Variants in MAP1A observed in about 807,000 individuals in gnomAD.
The protein encoded by MAP1A is microtubule-associated protein 1A.
In MAP1A, 42 loss-of-function variants were observed where a neutral mutation model predicts 185.9. The observed-to-expected ratio is 0.23, with a 90% CI of 0.18 to 0.29. The LOEUF (loss-of-function observed/expected upper bound fraction) is 0.29, where lower values mean the gene tolerates loss of function less well. Among genes scored for constraint, MAP1A ranks in the 10% least tolerant of loss-of-function variants. The pLI, the probability that MAP1A is intolerant of heterozygous loss-of-function variation, is 1.00. For synonymous variants in MAP1A, 1,229 were observed against 1,335.9 expected, an observed-to-expected ratio of 0.92 and a Z score of 1.74; for missense variants, 2,995 against 3,450.4, an observed-to-expected ratio of 0.87 and a Z score of 3.31.
rs1054171470 is a variant in MAP1A, at chr15:43,520,577, T to G, written c.-374-64T>G. On this transcript the variant is annotated intron_variant, in intron 1 of 5. Transcript: ENST00000300231. ...GCCCCATTTCCTGATAGCACATTCT[T>G]TCCTCTCCTGCACCACAATTTCTAT... The G allele has an allele frequency of 2.3e-5, 25 of 1,090,292 alleles. No homozygotes were observed. The African/African-American group carries it at 3.8e-4, about 16-fold the overall frequency. 67.5% of individuals were successfully genotyped at this position (1,090,292 alleles called of 1,614,324 possible). A position where few individuals can be genotyped will look rare whatever the true frequency, so the allele number is the denominator to read the frequency against.
Position 43,521,420 on chromosome 15 carries a change from A to G in MAP1A, c.-54A>G, listed in dbSNP as rs2079318713. 1 of 1,614,092 alleles carries G rather than the reference A, an allele frequency of 6.2e-7. No individual in the cohort carries two copies. The highest frequency in any genetic ancestry group is 8.5e-7 in the Non-Finnish European group (1 of 1,180,006). ...TGATTGGAGCCACCTGGGATTATCC[A>G]GTTCCCAAGAGACCCTGCACCTCCG... On this transcript the variant is annotated 5_prime_UTR_variant, in exon 4 of 6. Transcript: ENST00000300231. This position sits in a 1 kb window ranked among gnomAD's most constrained non-coding sequence, Gnocchi z 4.6.
chr15:43,520,949 C>A, intron 2 of MAP1A, 23 bp from the exon 3 acceptor site: 1 of 1,546,510 alleles, frequency 6.5e-7, no homozygotes, highest in Non-Finnish European at 8.7e-7. Flanking sequence ...ATATCTGTGA[C>A]CACTCCCCTT....
At chr15:43,520,557 A>G in intron 1 of MAP1A, 84 bp from the exon 2 acceptor site, 1 of 921,668 alleles carries the variant, frequency 1.1e-6, no homozygotes, top group Non-Finnish European at 1.7e-6. Flanking sequence ...TCTAAGCCCC[A>G]TTTCCTGATA....
chr15:43,525,126 C>T lies in MAP1A; in HGVS notation c.3653C>T (p.Ser1218Phe), dbSNP rs748587819. ...TSLDVSSKQLSPESLGTLQFG... is the reference protein window; with the variant it reads ...TSLDVSSKQLFPESLGTLQFG... ...CTGGATGTCTCTTCTAAGCAGCTCT[C>T]TCCAGAAAGCCTTGGCACCCTCCAG... The change falls in exon 4 of 6, where the codon TCT (serine) becomes TTT (phenylalanine). Residue 1218 changes from serine to phenylalanine, a missense_variant. By Grantham distance (155) the Ser-to-Phe change is radical. Coordinates refer to ENST00000300231, the MANE Select transcript of MAP1A (RefSeq NM_002373.6). 23 of 1,614,112 alleles carry T rather than the reference C, an allele frequency of 1.4e-5. No homozygotes were observed. The highest frequency in any genetic ancestry group is 6.7e-5 in the Admixed American group (4 of 60,010).
Position 43,525,886 on chromosome 15 carries a change from G to A in MAP1A, c.4413G>A (p.Leu1471=), listed in dbSNP as rs2079341211. 6.2e-7 allele frequency: 1 copy of A among 1,613,004 alleles called. No homozygotes were observed. Among genetic ancestry groups the A allele is most frequent in the Non-Finnish European group, 8.5e-7 (1 of 1,179,490 alleles). Residue 1471 remains leucine, a synonymous_variant, in exon 4 of 6, where the codon CTG becomes CTA. Coordinates refer to ENST00000300231, the MANE Select transcript of MAP1A (RefSeq NM_002373.6). ...CCCTGGAACAGAAGGACAAGGCCCTGGAACCAAAAGATAAAGACTTGGAAC... is the reference window on the plus strand; with the variant it reads ...CCCTGGAACAGAAGGACAAGGCCCTAGAACCAAAAGATAAAGACTTGGAAC... ...DTALEQKDKA[L]EPKDKDLEQK...
rs1262171013 is a variant in MAP1A at position 43,529,100 on chromosome 15, G to A, written c.7627G>A (p.Asp2543Asn). 1 of 1,613,760 alleles carries A rather than the reference G, an allele frequency of 6.2e-7. No individual in the cohort carries two copies. Among genetic ancestry groups the A allele is most frequent in the South Asian group, 1.1e-5 (1 of 91,084 alleles). Residue 2543 changes from aspartate (D) to asparagine (N), a missense_variant, in exon 4 of 6, where the codon GAC becomes AAC. By Grantham distance (23) the Asp-to-Asn change is conservative (BLOSUM62 1). This residue lies in a region of MAP1A where 2,728 missense variants were observed against 2,986.0 expected (regional missense o/e 0.91). Transcript: ENST00000300231. The surrounding 1 kb of genome is among the most constrained non-coding windows in gnomAD (Gnocchi z 4.3). ...TGAAGATGGAGACTTCCTACCTGTG[G>A]ACAAAGCTGGGGGTGTCAGTGGTAC... The part of the protein sequence containing the change: ...SDEDGDFLPV[D>N]KAGGVSGTHH...
At position 43,511,044 on chromosome 15, in the gene MAP1A, C is replaced by A. The variant is rs1208644061; in HGVS notation, c.56C>A (p.Pro19Gln). 3.9e-6 allele frequency: 6 copies of A among 1,548,948 alleles called. No individual in the cohort carries two copies. In the Middle Eastern group the frequency reaches 6.9e-4, roughly 178 times the overall value. Residue 19 changes from proline to glutamine, a missense_variant, in exon 1 of 7, where the codon CCG becomes CAG. Physicochemically the swap from Pro to Gln is moderately conservative, Grantham distance 76 (BLOSUM62 -1). Coordinates refer to the MAP1A transcript ENST00000382031. ...CACGGCGTTGCCATGGAGACAACTC[C>A]GGGGCTGGGGCTCCGAAGTCCCGGC... is the stretch of plus-strand genomic sequence containing the variant.
rs946294746 is a variant in MAP1A, at chr15:43,527,070, C to A, written c.5597C>A (p.Pro1866His). ...PLSPAPGPPTPAPESHTPAPF... is the reference protein window; with the variant it reads ...PLSPAPGPPTHAPESHTPAPF... ...TCCCCAGCTCCTGGTCCCCCCACAC[C>A]TGCCCCGGAATCCCATACTCCTGCA... The change falls in exon 4 of 6, where the codon CCT (proline) becomes CAT (histidine). Residue 1866 changes from proline to histidine, a missense_variant. This residue lies in a region of MAP1A where 2,728 missense variants were observed against 2,986.0 expected (regional missense o/e 0.91). Transcript: ENST00000300231. The A allele has an allele frequency of 6.3e-7, 1 of 1,582,758 alleles. No homozygotes were observed. Among genetic ancestry groups the A allele is most frequent in the African/African-American group, 1.3e-5 (1 of 74,458 alleles).
rs750415956 is a variant in MAP1A, at chr15:43,528,096, C to G, written c.6623C>G (p.Pro2208Arg). The G allele has an allele frequency of 6.2e-7, 1 of 1,613,934 alleles. No individual in the cohort carries two copies. The highest frequency in any genetic ancestry group is 1.3e-5 in the African/African-American group (1 of 74,894). Residue 2208 changes from proline to arginine, a missense_variant, in exon 4 of 6, where the codon CCC becomes CGC. Coordinates refer to ENST00000300231, the MANE Select transcript of MAP1A (RefSeq NM_002373.6). ...CGAGCTCTGGCTCTGGCTCCAGGAC[C>G]CCCCACCAGAACCCGGCATGATGAA... Reference protein sequence around the residue: ...GDRALALAPGPPTRTRHDEYL... With the variant: ...GDRALALAPGRPTRTRHDEYL...
At position 43,525,489 on chromosome 15, in the gene MAP1A, C is replaced by A. The variant is rs529651957; in HGVS notation, c.4016C>A (p.Ala1339Asp). The A allele has an allele frequency of 2.8e-4, 451 of 1,614,146 alleles. 7 individuals are homozygous for A. In the South Asian group the frequency reaches 4.8e-3, roughly 17 times the overall value. ...CCAGGCCCTGCCTTGGAGGACATTG[C>A]CATAAAGTGGGAAGATAAAGTTCCA... ...SLPGPALEDIAIKWEDKVPGL... is the reference protein window; with the variant it reads ...SLPGPALEDIDIKWEDKVPGL... The change falls in exon 4 of 6, where the codon GCC (alanine) becomes GAC (aspartate). Residue 1339 changes from alanine to aspartate, a missense_variant. By Grantham distance (126) the Ala-to-Asp change is moderately radical. Around this residue, in one of 3 missense-constraint regions of MAP1A, gnomAD observed 2,728 missense variants for 2,986.0 expected, o/e 0.91. Coordinates refer to ENST00000300231, the MANE Select transcript of MAP1A (RefSeq NM_002373.6).
At chr15:43,511,129 T>C in exon 1 of MAP1A, 2 of 1,550,454 alleles carry the variant, frequency 1.3e-6, no homozygotes, top group South Asian at 1.2e-5. Flanking sequence ...CGGTGGCGGC[T>C]GCACGCTGGG....
At position 43,526,686 on chromosome 15, in the gene MAP1A, A is replaced by G; in HGVS notation, c.5213A>G (p.Gln1738Arg). 6.2e-7 allele frequency: 1 copy of G among 1,614,054 alleles called. No individual in the cohort carries two copies. Among genetic ancestry groups the G allele is most frequent in the Non-Finnish European group, 8.5e-7 (1 of 1,180,014 alleles). Residue 1738 changes from glutamine (Q) to arginine (R), a missense_variant, in exon 4 of 6, where the codon CAA becomes CGA. Physicochemically the swap from Gln to Arg is conservative, Grantham distance 43 (BLOSUM62 1). Coordinates refer to ENST00000300231, the MANE Select transcript of MAP1A (RefSeq NM_002373.6). This position sits in a 1 kb window ranked among gnomAD's most constrained non-coding sequence, Gnocchi z 4.7. ...CTAGATGAGGGCCCAGATGATGAGC[A>G]AGAAGTACCCCTGCGGGAACACGCA... The part of the protein sequence containing the change: ...TFLDEGPDDE[Q>R]EVPLREHATR...
chr15:43,523,820 C>G lies in MAP1A; in HGVS notation c.2347C>G (p.Pro783Ala), dbSNP rs758079886. The G allele has an allele frequency of 6.2e-7, 1 of 1,613,922 alleles. No individual in the cohort carries two copies. The highest frequency in any genetic ancestry group is 1.3e-5 in the African/African-American group (1 of 74,914). The change falls in exon 4 of 6, where the codon CCA (proline) becomes GCA (alanine). Residue 783 changes from proline (P) to alanine (A), a missense_variant. Around this residue, in one of 3 missense-constraint regions of MAP1A, gnomAD observed 2,728 missense variants for 2,986.0 expected, o/e 0.91. Transcript: ENST00000300231. Reference protein sequence around the residue: ...YDLPGPEGAGPFEASQPADSA... With the variant: ...YDLPGPEGAGAFEASQPADSA... ...CCTGCCCGGGCCTGAAGGTGCTGGC[C>G]CATTCGAAGCCAGCCAACCTGCCGA...
chr15:43,529,346 C>T lies in MAP1A; in HGVS notation c.7873C>T (p.Arg2625Trp), dbSNP rs1197661917. The T allele has an allele frequency of 5.6e-6, 9 of 1,613,866 alleles. No homozygotes were observed. The highest frequency in any genetic ancestry group is 3.3e-5 in the Admixed American group (2 of 60,010). The change falls in exon 4 of 6, where the codon CGG (arginine) becomes TGG (tryptophan). Residue 2625 changes from arginine to tryptophan, a missense_variant. Arg to Trp is a moderately radical substitution (Grantham distance 101). Around this residue, in one of 3 missense-constraint regions of MAP1A, gnomAD observed 2,728 missense variants for 2,986.0 expected, o/e 0.91. Coordinates refer to ENST00000300231, the MANE Select transcript of MAP1A (RefSeq NM_002373.6). This position sits in a 1 kb window ranked among gnomAD's most constrained non-coding sequence, Gnocchi z 4.3. ...PASPARRLDL[R>W]GKRSPTPGKG... is the part of the protein sequence containing the mutation. ...GTCCCCTGCACGGCGTCTGGATCTT[C>T]GGGGAAAACGCTCACCCACCCCTGG...
intron 1 of MAP1A, 48 bp from the exon 2 acceptor site, chr15:43,520,593 C>A: frequency 1.6e-6 from 2 of 1,235,980 alleles, no homozygotes; most frequent in Non-Finnish European, 2.3e-6. Flanking sequence ...TCCTGCACCA[C>A]AATTTCTATA....
In MAP1A at chr15:43,529,726, C is replaced by T; in HGVS notation, c.8112C>T (p.Gly2704=). Reference sequence around the variant, plus strand: ...CCTACATCCCGAATCATTGCAGTGGCAAGACTGCTGACCTTGACTTCTTCC... The same window carrying T: ...CCTACATCCCGAATCATTGCAGTGGTAAGACTGCTGACCTTGACTTCTTCC... ...DLAYIPNHCS[G]KTADLDFFRR... is the part of the protein sequence containing the mutation. Residue 2704 remains glycine, a synonymous_variant, in exon 5 of 6, where the codon GGC becomes GGT. Coordinates refer to ENST00000300231, the MANE Select transcript of MAP1A (RefSeq NM_002373.6). The surrounding 1 kb of genome is among the most constrained non-coding windows in gnomAD (Gnocchi z 4.3). The T allele has an allele frequency of 2.5e-6, 4 of 1,614,228 alleles. No individual in the cohort carries two copies. Among genetic ancestry groups the T allele is most frequent in the Non-Finnish European group, 3.4e-6 (4 of 1,180,038 alleles).
At position 43,529,284 on chromosome 15, in the gene MAP1A, G is replaced by C. The variant is rs766191560; in HGVS notation, c.7811G>C (p.Arg2604Pro). The change falls in exon 4 of 6, where the codon CGA (arginine) becomes CCA (proline). Residue 2604 changes from arginine to proline, a missense_variant. By Grantham distance (103) the Arg-to-Pro change is moderately radical. This residue lies in a region of MAP1A where 2,728 missense variants were observed against 2,986.0 expected (regional missense o/e 0.91). Transcript: ENST00000300231. This position sits in a 1 kb window ranked among gnomAD's most constrained non-coding sequence, Gnocchi z 4.3. ...CGGGAGAAGGAAAAGGTTCAGGGGC[G>C]AGTAGGGCGCAGGGCCCCAGGCAAG... ...RLREKEKVQG[R>P]VGRRAPGKAK... 5 of 1,613,876 alleles carry C rather than the reference G, an allele frequency of 3.1e-6. No individual in the cohort carries two copies. The highest frequency in any genetic ancestry group is 4.2e-6 in the Non-Finnish European group (5 of 1,180,022).
At position 43,528,370 on chromosome 15, in the gene MAP1A, C is replaced by T. The variant is rs36123827; in HGVS notation, c.6897C>T (p.Ser2299=). The T allele has an allele frequency of 1.2e-6, 2 of 1,613,996 alleles. No homozygotes were observed. The highest frequency in any genetic ancestry group is 1.7e-6 in the Non-Finnish European group (2 of 1,180,020). The change falls in exon 4 of 6, where the codon AGC becomes AGT. Residue 2299 remains serine, a synonymous_variant. Coordinates refer to ENST00000300231, the MANE Select transcript of MAP1A (RefSeq NM_002373.6). Reference sequence around the variant, plus strand: ...CAGGAATGGAACCAGCTGCCCACAGCCTCTGGGACCTCACTCCTCTGAGCC... The same window carrying T: ...CAGGAATGGAACCAGCTGCCCACAGTCTCTGGGACCTCACTCCTCTGAGCC... The part of the protein sequence containing the change: ...LDPGMEPAAH[S]LWDLTPLSPA...
chr15:43,511,359 C>A, intron 1 of MAP1A: 2 of 677,220 alleles, frequency 3.0e-6, no homozygotes, highest in African/African-American at 1.8e-5. Flanking sequence ...CCCTTGTCAC[C>A]TGCATCTTCC....
Sources: allele counts gnomAD v4.1 joint callset, GRCh38; gene constraint gnomAD v4.1.1; regional missense constraint gnomAD v4.1.1; non-coding constraint Gnocchi (gnomAD v3.1); transcripts MANE v1.5; gene names NCBI Gene and HGNC (gene_info 2026-07-23, HGNC 2026-07-21).